The following OTOA variants were observed in gnomAD, a reference collection of about 807,000 sequenced individuals.
OTOA encodes the protein cancer/testis antigen 108.
A neutral mutation model predicts 110.8 loss-of-function variants in OTOA; 70 were observed. The ratio of observed to expected loss-of-function variants is 0.63; its 90% CI spans 0.52 to 0.77. The LOEUF (loss-of-function observed/expected upper bound fraction) is 0.77, where lower values mean the gene tolerates loss of function less well. OTOA is among the 30% of genes least tolerant of loss of function. OTOA has a pLI of 0.00. For missense variants in OTOA, 917 were observed against 1,075.8 expected (o/e 0.85, Z 2.06); for synonymous variants, 373 against 431.5 (o/e 0.86, Z 1.68).
chr16:21,725,427 G>A (rs753312747), intron 18 of OTOA, among the ~76,000 whole-genome samples: 8 of 151,926 alleles, frequency 5.3e-5, no homozygotes, highest in Non-Finnish European at 1.2e-4. Context: ...TGAAACCCCA[G>A]GTGTGCATGC....
intron 9 of OTOA, among the ~76,000 whole-genome samples, chr16:21,692,927 CAAAA>C (rs34170544): frequency 2.1e-5 from 2 of 97,100 alleles, no homozygotes; most frequent in African/African-American, 4.2e-5. Flanking sequence ...GACTCTGTCT[CAAAA>C]AAAAAAAAAA....
intron 13 of OTOA, among the ~76,000 whole-genome samples, chr16:21,714,257 TTCTTTC>T (rs775395174): frequency 8.7e-5 from 13 of 150,272 alleles, no homozygotes; most frequent in Non-Finnish European, 1.8e-4. Context: ...TCTTTTTTCT[TTCTTTC>T]TTTCTTTCTT....
intron 15 of OTOA, 114 bp from the exon 16 acceptor site, chr16:21,719,019 C>T (rs1363275576): frequency 4.7e-6 from 5 of 1,060,434 alleles, no homozygotes; most frequent in Admixed American, 1.7e-5. Context: ...CCTGTTAAGC[C>T]TCCATTTCCC....
chr16:21,664,519 A>G lies in OTOA; in HGVS notation c.-5+287A>G, dbSNP rs77855383. ...GACAACTGTTGCAATAACTATCACA[A>G]TGATTATTTGTTATAATAATATAGC... On this transcript the variant is annotated intron_variant, in intron 1 of 28. Transcript: ENST00000646100. 1.0e-2 allele frequency among the ~76,000 whole-genome samples: 1,516 copies of G among 152,276 alleles called. 48 individuals carry two copies. Among genetic ancestry groups the G allele is most frequent in the East Asian group, 0.082 (426 of 5,184 alleles).
At chr16:21,723,619 C>T (rs1358310598) in intron 18 of OTOA, among the ~76,000 whole-genome samples, 1 of 152,052 alleles carries the variant, frequency 6.6e-6, no homozygotes, top group Non-Finnish European at 1.5e-5. Flanking sequence ...TGGTTGAAAG[C>T]AACAGAACTG....
At chr16:21,716,788 T>G in intron 14 of OTOA, 119 bp from the exon 15 acceptor site, 1 of 1,202,518 alleles carries the variant, frequency 8.3e-7, no homozygotes, top group South Asian at 1.2e-5. Flanking sequence ...TACTCTCCAC[T>G]TCCTAGGGTT....
At chr16:21,679,757 G>A (rs528394782) in intron 5 of OTOA, among the ~76,000 whole-genome samples, 51 of 152,182 alleles carry the variant, frequency 3.4e-4, no homozygotes, top group South Asian at 1.5e-3. Context: ...TCTACTAAGC[G>A]CTTGGTATAG....
chr16:21,722,831 C>T, intron 17 of OTOA, 74 bp from the exon 18 acceptor site: 1 of 1,333,934 alleles, frequency 7.5e-7, no homozygotes, highest in Non-Finnish European at 1.1e-6. Flanking sequence ...TAGAATAGTA[C>T]CTGGCACATG....
At chr16:21,699,700 T>C (rs895023218) in intron 10 of OTOA, among the ~76,000 whole-genome samples, 1 of 151,898 alleles carries the variant, frequency 6.6e-6, no homozygotes, top group Admixed American at 6.6e-5. Context: ...GGGTGGATCA[T>C]GTGAGGTCAG....
intron 6 of OTOA, among the ~76,000 whole-genome samples, chr16:21,682,665 A>G (rs1351317241): frequency 6.6e-6 from 1 of 152,188 alleles, no homozygotes; most frequent in African/African-American, 2.4e-5. Context: ...TTATCATCAC[A>G]CTGTGGATAA....
chr16:21,725,818 G>A (rs1898896856), intron 18 of OTOA, among the ~76,000 whole-genome samples: 1 of 152,156 alleles, frequency 6.6e-6, no homozygotes, highest in Non-Finnish European at 1.5e-5. Flanking sequence ...TCTCCTGAAT[G>A]AAAGAAATTA....
At chr16:21,674,662 G>A (rs954378977) in intron 1 of OTOA, among the ~76,000 whole-genome samples, 1 of 150,344 alleles carries the variant, frequency 6.7e-6, no homozygotes, top group Non-Finnish European at 1.5e-5. Context: ...TTTTATTTTA[G>A]CCATCTGATA....
rs569493650 is a variant in OTOA, at chr16:21,695,891, A to ATATT, written c.740-1883_740-1882insATTT. On this transcript the variant is annotated intron_variant, in intron 9 of 28. Transcript: ENST00000646100. ...GATATATATATATATATATATATAT[A>ATATT]TTTTTTTTTTTTTTTTTTTCTGAGA... 5.6e-3 allele frequency among the ~76,000 whole-genome samples: 236 copies of ATATT among 41,896 alleles called. 3 individuals carry two copies. Among genetic ancestry groups the ATATT allele is most frequent in the Middle Eastern group, 0.031 (1 of 32 alleles). The allele number at this position is 41,896 out of a possible 152,430, so 27.5% of individuals were successfully genotyped here.
At chr16:21,733,885 C>T (rs1165345629) in intron 21 of OTOA, among the ~76,000 whole-genome samples, 1 of 152,162 alleles carries the variant, frequency 6.6e-6, no homozygotes, top group Admixed American at 6.5e-5. Flanking sequence ...CTGCAACCTC[C>T]ACCTCCTGGG....
rs1476253503 is a variant in OTOA at position 21,685,373 on chromosome 16, T to G, written c.399+12T>G. ...AGAAGGACGGCTTGGTGAGGAGCCC[T>G]TGGCATCCCGGGGATAGAGGAAGTC... On this transcript the variant is annotated intron_variant, in intron 7 of 28. Coordinates refer to ENST00000646100, the MANE Select transcript of OTOA (RefSeq NM_144672.4). The G allele has an allele frequency of 1.2e-6, 2 of 1,609,482 alleles. No individual in the cohort carries two copies. The highest frequency in any genetic ancestry group is 1.7e-6 in the Non-Finnish European group (2 of 1,177,262).
chr16:21,705,130 G>C (rs767994174), intron 11 of OTOA, 39 bp from the exon 12 acceptor site: 2 of 1,614,074 alleles, frequency 1.2e-6, no homozygotes, highest in Non-Finnish European at 1.7e-6. Context: ...CTGGTTCTGC[G>C]GTTACACCTC....
chr16:21,702,085 G>A (rs972457858), intron 11 of OTOA, among the ~76,000 whole-genome samples: 1 of 151,508 alleles, frequency 6.6e-6, no homozygotes, highest in African/African-American at 2.4e-5. Context: ...AAGTAGCTGG[G>A]ATTACAGGCG....
rs1373778092 is a variant in OTOA at position 21,688,833 on chromosome 16, T to C, written c.635+1185T>C. On this transcript the variant is annotated intron_variant, in intron 8 of 28. Transcript: ENST00000646100. ...GGAATTAGGATTTCAACACATGAAATTTGGGGAAACGCAAACATTCAGTCC... is the reference window on the plus strand; with the variant it reads ...GGAATTAGGATTTCAACACATGAAACTTGGGGAAACGCAAACATTCAGTCC... Among the ~76,000 whole-genome samples, 5 of 152,126 alleles carry C rather than the reference T, an allele frequency of 3.3e-5. 1 individual carries two copies. Among genetic ancestry groups the C allele is most frequent in the African/African-American group, 1.2e-4 (5 of 41,398 alleles).
intron 15 of OTOA, among the ~76,000 whole-genome samples, chr16:21,717,577 C>T (rs1038620199): frequency 6.6e-6 from 1 of 152,318 alleles, no homozygotes; most frequent in Admixed American, 6.5e-5. Context: ...ATGAGGGTCA[C>T]TGATACATGC....
Sources: gnomAD v4.1 joint callset for allele counts (sites outside exome capture counted in the v4.1 genomes callset) on GRCh38, gnomAD v4.1.1 for gene constraint, MANE v1.5 for transcripts, NCBI Gene and HGNC (gene_info 2026-07-23, HGNC 2026-07-21) for gene names.